MAU2: variants seen among roughly 807,000 people sequenced by gnomAD.
MAU2 encodes MAU2 chromatid cohesion factor homolog.
In MAU2, 9 loss-of-function variants were observed where a neutral mutation model predicts 89.1. That is an observed-to-expected ratio of 0.10 (90% confidence interval 0.06 to 0.18). MAU2 has a LOEUF of 0.18. Among genes scored for constraint, MAU2 ranks in the 10% least tolerant of loss-of-function variants. The pLI is 1.00. For synonymous variants in MAU2, 357 were observed against 343.4 expected (o/e 1.04, Z -0.44); for missense variants, 425 against 803.5 (o/e 0.53, Z 5.69).
At chr19:19,332,274 C>T (rs12971676) in intron 1 of MAU2, among the ~76,000 whole-genome samples, 5 of 151,242 alleles carry the variant, frequency 3.3e-5, no homozygotes, top group South Asian at 2.1e-4. Flanking sequence ...GATCCTCCCA[C>T]GTCAGCCTCC....
chr19:19,333,872 G>T (rs147906323), intron 1 of MAU2, among the ~76,000 whole-genome samples: 100 of 152,334 alleles, frequency 6.6e-4, no homozygotes, highest in African/African-American at 2.2e-3. Flanking sequence ...TGCTGCTTGT[G>T]TGTGGCAGTG....
At position 19,340,859 on chromosome 19, in the gene MAU2, C is replaced by G. The variant is rs2061639216; in HGVS notation, c.565C>G (p.Leu189Val). 2 of 1,613,536 alleles carry G rather than the reference C, an allele frequency of 1.2e-6. No homozygotes were observed. The highest frequency in any genetic ancestry group is 1.7e-6 in the Non-Finnish European group (2 of 1,179,904). ...GSEYTRALFL[L>V]SKGMLLLMER... ...CTTGTTTTGCAGGGCGCTGTTCCTC[C>G]TCAGCAAGGGGATGGTAAGTTGAGG... is the stretch of plus-strand genomic sequence containing the variant. Residue 189 changes from leucine (L) to valine (V), a missense_variant, in exon 6 of 19, where the codon CTC (leucine) becomes GTC (valine). Leu to Val is a conservative substitution (Grantham distance 32, BLOSUM62 1). Coordinates refer to ENST00000262815, the MANE Select transcript of MAU2 (RefSeq NM_015329.4).
At chr19:19,323,989 C>G (rs1204909832) in intron 1 of MAU2, among the ~76,000 whole-genome samples, 3 of 152,158 alleles carry the variant, frequency 2.0e-5, no homozygotes, top group Non-Finnish European at 4.4e-5. Context: ...TCCTTTGATT[C>G]ATTCAACAGA....
At chr19:19,354,518 T>A in intron 17 of MAU2, 73 bp downstream of exon 17, 1 of 1,349,788 alleles carries the variant, frequency 7.4e-7, no homozygotes, top group Non-Finnish European at 1.0e-6. Context: ...GCTGGGCATG[T>A]CCTGCTCAGC....
Position 19,345,411 on chromosome 19 carries a change from T to G in MAU2, c.1221+42T>G, listed in dbSNP as rs749319400. On this transcript the variant is annotated intron_variant, in intron 12 of 18. Transcript: ENST00000262815. This position sits in a 1 kb window ranked among gnomAD's most constrained non-coding sequence, Gnocchi z 4.9. ...CCTTGCTGCTCGGGGCGGGCCACAC[T>G]TCTGAGTAAGGAGTCGGGCGTGGTC... 8.8e-6 allele frequency: 14 copies of G among 1,599,024 alleles called. No individual in the cohort carries two copies. The East Asian group carries it at 2.5e-4, about 28-fold the overall frequency.
chr19:19,326,281 G>A (rs1599888201), intron 1 of MAU2, among the ~76,000 whole-genome samples: 2 of 152,012 alleles, frequency 1.3e-5, no homozygotes, highest in Non-Finnish European at 2.9e-5. Context: ...GGCCAGGTGT[G>A]GTGGCTCACA....
At position 19,358,676 on chromosome 19, in the gene MAU2, G is replaced by A. The variant is rs2048205041; in HGVS notation, c.*2894G>A. 1 of 152,238 alleles carries A rather than the reference G, an allele frequency of 6.6e-6. No individual in the cohort carries two copies. Among genetic ancestry groups the A allele is most frequent in the Non-Finnish European group, 1.5e-5 (1 of 68,032 alleles). The allele number at this position is 152,238 out of a possible 1,614,324, so 9.4% of individuals were successfully genotyped here. On this transcript the variant is annotated 3_prime_UTR_variant, in exon 19 of 19. Coordinates refer to ENST00000262815, the MANE Select transcript of MAU2 (RefSeq NM_015329.4). ...TGTAAATACAGAACATTGTTTAAAAGACATAACCATAGAACATAGCTTCCT... is the reference window on the plus strand; with the variant it reads ...TGTAAATACAGAACATTGTTTAAAAAACATAACCATAGAACATAGCTTCCT...
intron 7 of MAU2, 100 bp downstream of exon 7, chr19:19,341,507 C>T (rs775801723): frequency 7.1e-6 from 10 of 1,400,858 alleles, no homozygotes; most frequent in South Asian, 1.3e-5. Flanking sequence ...TGTGTCATCG[C>T]CTTACCTTGC....
intron 4 of MAU2, 46 bp downstream of exon 4, chr19:19,337,311 A>G (rs1349246913): frequency 4.1e-6 from 6 of 1,458,054 alleles, no homozygotes; most frequent in South Asian, 2.3e-5. Flanking sequence ...AGGGACCATG[A>G]CCCTGGGGCA....
intron 14 of MAU2, 40 bp from the exon 15 acceptor site, chr19:19,349,115 C>CA (rs749610653): frequency 3.1e-6 from 5 of 1,611,540 alleles, no homozygotes; most frequent in Admixed American, 3.3e-5. Flanking sequence ...ACCTGCTTCT[C>CA]AAAATCACCA....
intron 1 of MAU2, among the ~76,000 whole-genome samples, chr19:19,322,326 C>T (rs1381736312): frequency 6.6e-6 from 1 of 152,124 alleles, no homozygotes; most frequent in Non-Finnish European, 1.5e-5. Flanking sequence ...GGGCCAGGCT[C>T]AGTGGCTTAT....
chr19:19,329,997 T>G (rs150732181), intron 1 of MAU2, among the ~76,000 whole-genome samples: 3,115 of 151,316 alleles, frequency 0.021, 114 homozygotes, highest in African/African-American at 0.072. Flanking sequence ...TTTATTTTTT[T>G]GAGATAAAGT....
Position 19,351,042 on chromosome 19 carries a change from T to A in MAU2, c.1548+1606T>A, listed in dbSNP as rs181843990. Among the ~76,000 whole-genome samples, 68 of 152,084 alleles carry A rather than the reference T, an allele frequency of 4.5e-4. 2 individuals are homozygous for A. Among genetic ancestry groups the A allele is most frequent in the South Asian group, 1.9e-3 (9 of 4,812 alleles). On this transcript the variant is annotated intron_variant, in intron 16 of 18. Transcript: ENST00000262815. Reference sequence around the variant, plus strand: ...AACCTAGTGAGACCCTCTTTTTTTTTAATTTAATTTTATTTTTTGAGGCCG... The same window carrying A: ...AACCTAGTGAGACCCTCTTTTTTTTAAATTTAATTTTATTTTTTGAGGCCG...
chr19:19,324,040 G>C (rs1444496538), intron 1 of MAU2, among the ~76,000 whole-genome samples: 4 of 152,112 alleles, frequency 2.6e-5, no homozygotes, highest in Non-Finnish European at 4.4e-5. Flanking sequence ...CCTATTTTTG[G>C]TGCCGGGGGA....
rs1197874284 is a variant in MAU2, at chr19:19,338,925, A to C, written c.537A>C (p.Gly179=). 6.2e-7 allele frequency: 1 copy of C among 1,612,978 alleles called. No individual in the cohort carries two copies. The highest frequency in any genetic ancestry group is 1.3e-5 in the African/African-American group (1 of 74,886). The part of the protein sequence containing the change: ...GVGAEYARVV[G]SEYTRALFLL... ...GGGCCGAGTACGCCCGGGTGGTGGG[A>C]TCTGAATACACACGGTAGGCACCCA... The change falls in exon 5 of 19, where the codon GGA becomes GGC. Residue 179 remains glycine, a synonymous_variant. Transcript: ENST00000262815.
intron 15 of MAU2, 35 bp downstream of exon 15, chr19:19,349,267 G>C: frequency 6.2e-7 from 1 of 1,613,922 alleles, no homozygotes; most frequent in Non-Finnish European, 8.5e-7. Flanking sequence ...TGAGGGCCAT[G>C]CTCAGGGTAG....
intron 10 of MAU2, 42 bp downstream of exon 10, chr19:19,343,982 G>T: frequency 6.6e-7 from 1 of 1,522,426 alleles, no homozygotes; most frequent in Non-Finnish European, 9.0e-7. Flanking sequence ...CCAGGAGTTT[G>T]TTGGGTCTCA....
intron 1 of MAU2, among the ~76,000 whole-genome samples, chr19:19,327,158 G>A (rs2061516462): frequency 7.5e-6 from 1 of 132,572 alleles, no homozygotes; most frequent in Non-Finnish European, 1.6e-5. Flanking sequence ...CTCTCACTCT[G>A]TTGCCCAGGC....
chr19:19,326,408 C>A (rs540148664), intron 1 of MAU2, among the ~76,000 whole-genome samples: 3 of 151,670 alleles, frequency 2.0e-5, no homozygotes, highest in African/African-American at 7.3e-5. Context: ...AAAATATAGC[C>A]GGGCGCGGTG....
Sources: allele counts gnomAD v4.1 joint callset (sites outside exome capture counted in the v4.1 genomes callset), GRCh38; gene constraint gnomAD v4.1.1; non-coding constraint Gnocchi (gnomAD v3.1); transcripts MANE v1.5; gene names NCBI Gene and HGNC (gene_info 2026-07-23, HGNC 2026-07-21).